The following CLSTN2 variants were observed in gnomAD, a reference collection of about 807,000 sequenced individuals.
CLSTN2 encodes calsyntenin 2, also known as calsyntenin-2.
In CLSTN2, 48 loss-of-function variants were observed where a neutral mutation model predicts 101.2. That is an observed-to-expected ratio of 0.47 (90% CI 0.38 to 0.60). The LOEUF (loss-of-function observed/expected upper bound fraction) is 0.60. Ranked by LOEUF, CLSTN2 falls within the 20% of genes least tolerant of loss-of-function variation. CLSTN2 has a pLI of 0.00. For missense variants in CLSTN2, 1,160 were observed against 1,238.2 expected (o/e 0.94, Z 0.95); for synonymous variants, 481 against 463.6 (o/e 1.04, Z -0.48).
chr3:140,262,633 G>A (rs913535605), intron 2 of CLSTN2, among the ~76,000 whole-genome samples: 8 of 152,268 alleles, frequency 5.3e-5, no homozygotes, highest in Admixed American at 1.3e-4. Context: ...GGAATTTCAG[G>A]TGATGGTGCA....
At chr3:140,404,465 C>A (rs1388691492) in intron 3 of CLSTN2, 93 bp from the exon 4 acceptor site, 5 of 1,125,728 alleles carry the variant, frequency 4.4e-6, no homozygotes, top group Admixed American at 1.9e-5. Flanking sequence ...TTTCACTTGG[C>A]CTTGGGACCT....
intron 8 of CLSTN2, chr3:140,506,131 G>C (rs1270881708): frequency 1.3e-5 from 2 of 152,222 alleles, no homozygotes; most frequent in Non-Finnish European, 2.9e-5. Flanking sequence ...GTGGTGAGAA[G>C]AGTTTTGTGT....
At chr3:140,118,668 T>C (rs189024986) in intron 1 of CLSTN2, among the ~76,000 whole-genome samples, 6 of 152,098 alleles carry the variant, frequency 3.9e-5, no homozygotes, top group Non-Finnish European at 8.8e-5. Flanking sequence ...GGAGTTTGCA[T>C]TGGATAGGTG....
At chr3:140,448,410 A>C in intron 5 of CLSTN2, 109 bp from the exon 6 acceptor site, 1 of 870,468 alleles carries the variant, frequency 1.1e-6, no homozygotes. Flanking sequence ...TATCTAATAT[A>C]TGTGTTGGGG....
At chr3:140,403,952 T>A (rs753770057) in intron 3 of CLSTN2, 128 bp downstream of exon 3, 2 of 749,102 alleles carry the variant, frequency 2.7e-6, no homozygotes, top group Non-Finnish European at 4.3e-6. Flanking sequence ...GCTCAACTGC[T>A]TGGCAGTTTC....
intron 9 of CLSTN2, among the ~76,000 whole-genome samples, chr3:140,543,892 C>T (rs1935534385): frequency 6.6e-6 from 1 of 152,204 alleles, no homozygotes; most frequent in African/African-American, 2.4e-5. Context: ...ATGGCTTCAT[C>T]CTGGGTCCCA....
intron 2 of CLSTN2, 113 bp from the exon 3 acceptor site, chr3:140,403,516 C>A: frequency 1.2e-6 from 1 of 866,316 alleles, no homozygotes; most frequent in Non-Finnish European, 1.8e-6. Flanking sequence ...ACACTATGTG[C>A]GTGGAAGAAA....
intron 2 of CLSTN2, among the ~76,000 whole-genome samples, chr3:140,230,962 G>A (rs1198072103): frequency 6.6e-6 from 1 of 152,208 alleles, no homozygotes; most frequent in African/African-American, 2.4e-5. Context: ...CGTGAGGTCA[G>A]CCTGGCAGTT....
At chr3:140,065,737 G>A (rs906008104) in intron 1 of CLSTN2, among the ~76,000 whole-genome samples, 10 of 152,188 alleles carry the variant, frequency 6.6e-5, no homozygotes, top group African/African-American at 2.2e-4. Flanking sequence ...ACTATTAAAT[G>A]CATCATAGGC....
intron 2 of CLSTN2, among the ~76,000 whole-genome samples, chr3:140,322,288 T>C (rs977220481): frequency 6.6e-6 from 1 of 152,246 alleles, no homozygotes; most frequent in Non-Finnish European, 1.5e-5. Flanking sequence ...AGTTATTTTC[T>C]TGTGCATCAT....
chr3:140,391,521 A>G (rs1308029213), intron 2 of CLSTN2, among the ~76,000 whole-genome samples: 3 of 152,164 alleles, frequency 2.0e-5, no homozygotes, highest in Non-Finnish European at 2.9e-5. Context: ...TGTGCAGTAC[A>G]TGACATTTTA....
chr3:140,386,670 C>G (rs1871495), intron 2 of CLSTN2, among the ~76,000 whole-genome samples: 152,257 of 152,260 alleles, frequency 1, 76,127 homozygotes, highest in Middle Eastern at 1. Flanking sequence ...GAGCCATGCT[C>G]TGTCTCCCCT....
chr3:139,944,732 T>A (rs1314324970), intron 1 of CLSTN2, among the ~76,000 whole-genome samples: 3 of 152,228 alleles, frequency 2.0e-5, no homozygotes, highest in African/African-American at 7.2e-5. Flanking sequence ...CCTGCAGGGC[T>A]CTGTGCCCAT....
intron 1 of CLSTN2, among the ~76,000 whole-genome samples, chr3:140,127,866 C>A (rs2009461500): frequency 6.6e-6 from 1 of 152,116 alleles, no homozygotes; most frequent in Admixed American, 6.6e-5. Context: ...ATTTATGAGC[C>A]TCTAGAATTC....
At chr3:139,961,864 G>A (rs1393388869) in intron 1 of CLSTN2, among the ~76,000 whole-genome samples, 1 of 152,002 alleles carries the variant, frequency 6.6e-6, no homozygotes, top group African/African-American at 2.4e-5. Context: ...ATTTTTCTAT[G>A]CATATTTTTA....
intron 5 of CLSTN2, among the ~76,000 whole-genome samples, chr3:140,429,577 G>A (rs1025357205): frequency 2.6e-5 from 4 of 152,126 alleles, no homozygotes; most frequent in African/African-American, 9.7e-5. Flanking sequence ...ATATCATCCT[G>A]AGGACAGGGG....
chr3:140,284,005 T>C (rs939659770), intron 2 of CLSTN2, among the ~76,000 whole-genome samples: 15 of 152,196 alleles, frequency 9.9e-5, no homozygotes, highest in African/African-American at 3.4e-4. Flanking sequence ...TAATTAAAAA[T>C]TGGAAGCTGG....
At chr3:140,501,293 C>T (rs1934572138) in intron 8 of CLSTN2, among the ~76,000 whole-genome samples, 1 of 152,220 alleles carries the variant, frequency 6.6e-6, no homozygotes, top group Admixed American at 6.5e-5. Flanking sequence ...CAGCCCTGGT[C>T]ACTCTAATGC....
At chr3:140,303,101 G>A (rs2087076626) in intron 2 of CLSTN2, among the ~76,000 whole-genome samples, 1 of 152,204 alleles carries the variant, frequency 6.6e-6, no homozygotes, top group African/African-American at 2.4e-5. Flanking sequence ...GAAAACCTAA[G>A]GCATTCTGGG....
Sources: gnomAD v4.1 joint callset for allele counts (sites outside exome capture counted in the v4.1 genomes callset) on GRCh38, gnomAD v4.1.1 for gene constraint, MANE v1.5 for transcripts, NCBI Gene and HGNC (gene_info 2026-07-23, HGNC 2026-07-21) for gene names.